LAMA2: variants seen among roughly 807,000 people sequenced by gnomAD.
LAMA2 encodes laminin subunit alpha 2, also known as laminin subunit alpha-2.
A neutral mutation model predicts 364.8 loss-of-function variants in LAMA2; 269 were observed. The observed-to-expected ratio is 0.74, with a 90% CI of 0.67 to 0.82. The LOEUF is 0.82. Among genes scored for constraint, LAMA2 ranks in the 40% least tolerant of loss-of-function variants. The pLI, the probability that LAMA2 is intolerant of heterozygous loss-of-function variation, is 0.00. For missense variants in LAMA2, 3,807 were observed against 3,873.2 expected (o/e 0.98, Z 0.45); for synonymous variants, 1,379 against 1,370.6 (o/e 1.01, Z -0.14).
intron 22 of LAMA2, among the ~76,000 whole-genome samples, chr6:129,301,732 A>C (rs1226568355): frequency 6.6e-6 from 1 of 152,146 alleles, no homozygotes; most frequent in Non-Finnish European, 1.5e-5. Flanking sequence ...TCACCCATTT[A>C]TAGTAATGAA....
chr6:129,412,207 A>G (rs950897082), intron 40 of LAMA2, among the ~76,000 whole-genome samples: 17 of 152,152 alleles, frequency 1.1e-4, no homozygotes, highest in Non-Finnish European at 1.3e-4. Context: ...GAATAGGTGA[A>G]TATTGCCGTC....
Position 129,165,565 on chromosome 6 carries a change from A to G in LAMA2, c.1207-11A>G. The G allele has an allele frequency of 6.3e-7, 1 of 1,575,986 alleles. No individual in the cohort carries two copies. Among genetic ancestry groups the G allele is most frequent in the Non-Finnish European group, 8.7e-7 (1 of 1,147,022 alleles). ...TACACTTCGTTAAATTCATTTTAAT[A>G]TTTTTGTTAGGTATCTCCAAATTAT... On this transcript the variant is annotated splice_polypyrimidine_tract_variant and intron_variant, in intron 8 of 64. Coordinates refer to ENST00000421865, the MANE Select transcript of LAMA2 (RefSeq NM_000426.4).
At chr6:129,018,162 G>A (rs546729583) in intron 1 of LAMA2, among the ~76,000 whole-genome samples, 2 of 152,000 alleles carry the variant, frequency 1.3e-5, no homozygotes, top group South Asian at 4.2e-4. Context: ...AATTGATTTT[G>A]AAATAATAGT....
intron 56 of LAMA2, chr6:129,490,610 C>G (rs1172583445): frequency 6.6e-6 from 1 of 152,166 alleles, no homozygotes; most frequent in African/African-American, 2.4e-5. Flanking sequence ...GAAGAGGCTG[C>G]TTTCAGCTAA....
chr6:129,128,746 A>G (rs1035877646), intron 4 of LAMA2, among the ~76,000 whole-genome samples: 3 of 152,164 alleles, frequency 2.0e-5, no homozygotes, highest in African/African-American at 7.2e-5. Context: ...TAAGCATTTA[A>G]TCTTTTTTAT....
intron 45 of LAMA2, among the ~76,000 whole-genome samples, chr6:129,450,730 A>G (rs532028129): frequency 6.6e-6 from 1 of 152,358 alleles, no homozygotes; most frequent in African/African-American, 2.4e-5. Context: ...AGTAAACTAC[A>G]TACAGTCGCT....
At chr6:129,063,659 A>G (rs1789089209) in intron 3 of LAMA2, among the ~76,000 whole-genome samples, 1 of 152,140 alleles carries the variant, frequency 6.6e-6, no homozygotes, top group Non-Finnish European at 1.5e-5. Context: ...TTCCTGGTCT[A>G]TCCCTCAAAA....
chr6:129,496,367 T>C (rs1049759610), intron 58 of LAMA2, among the ~76,000 whole-genome samples: 2 of 152,160 alleles, frequency 1.3e-5, no homozygotes, highest in African/African-American at 4.8e-5. Context: ...GATTTCTCCA[T>C]GTTGGTCAGG....
chr6:129,108,303 A>G (rs1161590632), intron 4 of LAMA2, among the ~76,000 whole-genome samples: 1 of 152,048 alleles, frequency 6.6e-6, no homozygotes, highest in Admixed American at 6.6e-5. Context: ...AATTTAATGT[A>G]TGTCAGTTGT....
intron 1 of LAMA2, among the ~76,000 whole-genome samples, chr6:128,965,900 C>A (rs1041715285): frequency 6.7e-6 from 1 of 149,728 alleles, no homozygotes; most frequent in South Asian, 2.1e-4. Context: ...CAATAAAAGA[C>A]TTATACTCTT....
chr6:129,320,853 C>A (rs1774922145), intron 28 of LAMA2, among the ~76,000 whole-genome samples, 198 bp downstream of exon 28: 2 of 152,098 alleles, frequency 1.3e-5, no homozygotes, highest in African/African-American at 4.8e-5. Context: ...AATAGTTGAT[C>A]AAAAATTTAA....
chr6:129,510,600 A>G (rs1786495021), intron 62 of LAMA2, among the ~76,000 whole-genome samples: 2 of 152,168 alleles, frequency 1.3e-5, no homozygotes, highest in African/African-American at 4.8e-5. Context: ...TCAAGAATAT[A>G]TTATCAACTG....
At chr6:129,248,027 G>A (rs1252498543) in intron 12 of LAMA2, among the ~76,000 whole-genome samples, 4 of 152,122 alleles carry the variant, frequency 2.6e-5, no homozygotes, top group African/African-American at 9.7e-5. Context: ...TTAAGAATTG[G>A]GCGGCACAAC....
chr6:129,267,142 A>AT lies in LAMA2; in HGVS notation c.2250dup (p.Gly751TrpfsTer5). 1 of 1,613,272 alleles carries AT rather than the reference A, an allele frequency of 6.2e-7. No homozygotes were observed. Among genetic ancestry groups the AT allele is most frequent in the African/African-American group, 1.3e-5 (1 of 74,960 alleles). On this transcript the variant is annotated frameshift_variant, in exon 16 of 65. Coordinates refer to ENST00000421865, the MANE Select transcript of LAMA2 (RefSeq NM_000426.4). LOFTEE classifies it high-confidence loss of function. ...TAGGCACAGGCGAGTTAACGGCACTATTTTTGGTGGCATCTGTGAGCCATG... is the reference window on the plus strand; with the variant it reads ...TAGGCACAGGCGAGTTAACGGCACTATTTTTTGGTGGCATCTGTGAGCCATG...
chr6:129,160,803 T>G (rs998791308), intron 8 of LAMA2, among the ~76,000 whole-genome samples: 11 of 151,898 alleles, frequency 7.2e-5, no homozygotes, highest in Admixed American at 5.9e-4. Flanking sequence ...TCTCTTGTGA[T>G]TTATTTTTTG....
At chr6:129,377,198 T>A (rs113774250) in intron 34 of LAMA2, among the ~76,000 whole-genome samples, 3,253 of 152,234 alleles carry the variant, frequency 0.021, 120 homozygotes, top group African/African-American at 0.075. Context: ...ATTAAAATTT[T>A]GTTTCACTTA....
chr6:129,206,115 AGG>A (rs1782650794), intron 12 of LAMA2, among the ~76,000 whole-genome samples: 2 of 74,166 alleles, frequency 2.7e-5, no homozygotes, highest in South Asian at 8.9e-4. Flanking sequence ...GGAGGAAGGA[AGG>A]AAGGAAGGAA....
At chr6:129,164,219 G>C (rs1779606400) in intron 8 of LAMA2, among the ~76,000 whole-genome samples, 1 of 152,150 alleles carries the variant, frequency 6.6e-6, no homozygotes. Context: ...CAGGAGGGTA[G>C]TGTCTATACA....
chr6:129,351,443 C>T (rs983970617), intron 31 of LAMA2, among the ~76,000 whole-genome samples: 6 of 152,102 alleles, frequency 3.9e-5, no homozygotes, highest in African/African-American at 4.8e-5. Context: ...AGTCCTCAAA[C>T]ATTGTTATAG....
Sources: gnomAD v4.1 joint callset for allele counts (sites outside exome capture counted in the v4.1 genomes callset) on GRCh38, gnomAD v4.1.1 for gene constraint, MANE v1.5 for transcripts, NCBI Gene and HGNC (gene_info 2026-07-23, HGNC 2026-07-21) for gene names.